Variants in ZNF135 observed in about 807,000 individuals in gnomAD.
ZNF135 encodes zinc finger protein 135.
In ZNF135, 11 loss-of-function variants were observed where a neutral mutation model predicts 12.3. The ratio of observed to expected loss-of-function variants is 0.89; its 90% confidence interval spans 0.56 to 1.48. The LOEUF (loss-of-function observed/expected upper bound fraction) is 1.48. ZNF135 is among the 40% of genes most tolerant of loss of function. ZNF135 has a pLI of 0.00. For missense variants in ZNF135, 722 were observed against 815.7 expected, an observed-to-expected ratio of 0.89 and a Z score of 1.40; for synonymous variants, 316 against 312.0, an observed-to-expected ratio of 1.01 and a Z score of -0.14.
Position 58,068,096 on chromosome 19 carries a change from A to C in ZNF135, c.1612A>C (p.Ile538Leu). The C allele has an allele frequency of 6.2e-7, 1 of 1,614,126 alleles. No individual in the cohort carries two copies. Among genetic ancestry groups the C allele is most frequent in the East Asian group, 2.2e-5 (1 of 44,886 alleles). Residue 538 changes from isoleucine to leucine, a missense_variant, in exon 5 of 5, where the codon ATT becomes CTT. Coordinates refer to ENST00000313434, the MANE Select transcript of ZNF135 (RefSeq NM_001289401.2). Reference protein sequence around the residue: ...GRAFSQLAPLIQHQRIHTGEK... With the variant: ...GRAFSQLAPLLQHQRIHTGEK... ...AGCCTTCAGCCAGCTTGCTCCCCTC[A>C]TTCAGCATCAGAGGATCCACACAGG...
At chr19:58,061,053 A>G (rs1041012725) in intron 2 of ZNF135, among the ~76,000 whole-genome samples, 12 of 151,610 alleles carry the variant, frequency 7.9e-5, no homozygotes, top group African/African-American at 1.9e-4. Flanking sequence ...GCGTGAACCC[A>G]GGAGGCGGAG....
At chr19:58,062,376 ATTTG>A (rs1313544778) in intron 3 of ZNF135, among the ~76,000 whole-genome samples, 1 of 142,828 alleles carries the variant, frequency 7.0e-6, no homozygotes, top group African/African-American at 2.6e-5. Context: ...TTATTTATTT[ATTTG>A]TTTTTAAATT....
rs2073925464 is a variant in ZNF135, at chr19:58,059,370, G to C, written c.-35+60G>C. 1.0e-5 allele frequency: 8 copies of C among 784,418 alleles called. No individual in the cohort carries two copies. In the African/African-American group the frequency reaches 1.7e-4, roughly 17 times the overall value. 48.6% of individuals were successfully genotyped at this position (784,418 alleles called of 1,614,324 possible). ...CAGGCCGGGCCGGGCCGGGCCGGGT[G>C]CGGGGGGTCCGGGGATCTTCCTGAG... On this transcript the variant is annotated intron_variant, in intron 1 of 4. Coordinates refer to ENST00000313434, the MANE Select transcript of ZNF135 (RefSeq NM_001289401.2). This position sits in a 1 kb window ranked among gnomAD's most constrained non-coding sequence, Gnocchi z 6.5.
rs71188069 is a variant in ZNF135, at chr19:58,059,346, AGGCCGGGCCG to A, written c.-35+49_-35+58del. ...CCGGCGAGGAGGGGGAGGGGAGGCC[AGGCCGGGCCG>A]GGCCGGGCCGGGTGCGGGGGGTCCG... On this transcript the variant is annotated intron_variant, in intron 1 of 4. Coordinates refer to ENST00000313434, the MANE Select transcript of ZNF135 (RefSeq NM_001289401.2). The surrounding 1 kb of genome is among the most constrained non-coding windows in gnomAD (Gnocchi z 6.5). 46 of 745,362 alleles carry A rather than the reference AGGCCGGGCCG, an allele frequency of 6.2e-5. 1 individual carries two copies. In the African/African-American group the frequency reaches 9.5e-4, roughly 15 times the overall value. 46.2% of individuals were successfully genotyped at this position (745,362 alleles called of 1,614,324 possible).
chr19:58,063,743 G>T lies in ZNF135; in HGVS notation c.256+202G>T. On this transcript the variant is annotated intron_variant, in intron 4 of 4. Coordinates refer to ENST00000313434, the MANE Select transcript of ZNF135 (RefSeq NM_001289401.2). The surrounding 1 kb of genome is among the most constrained non-coding windows in gnomAD (Gnocchi z 4.4). ...TTATATTCTTGGTGAGGGAGTGGGG[G>T]AAACAAACAATAAATCGGTAAAATA... 1 of 1,323,550 alleles carries T rather than the reference G, an allele frequency of 7.6e-7. No homozygotes were observed. Among genetic ancestry groups the T allele is most frequent in the Non-Finnish European group, 9.8e-7 (1 of 1,018,952 alleles). The allele number at this position is 1,323,550 out of a possible 1,614,324, so 82.0% of individuals were successfully genotyped here. A position where few individuals can be genotyped will look rare whatever the true frequency, so the allele number is the denominator to read the frequency against.
chr19:58,059,366 G>T lies in ZNF135; in HGVS notation c.-35+56G>T. The T allele has an allele frequency of 1.1e-6, 1 of 876,676 alleles. No homozygotes were observed. The highest frequency in any genetic ancestry group is 1.6e-6 in the Non-Finnish European group (1 of 608,510). 54.3% of individuals were successfully genotyped at this position (876,676 alleles called of 1,614,324 possible). On this transcript the variant is annotated intron_variant, in intron 1 of 4. Coordinates refer to ENST00000313434, the MANE Select transcript of ZNF135 (RefSeq NM_001289401.2). The surrounding 1 kb of genome is among the most constrained non-coding windows in gnomAD (Gnocchi z 6.5). ...AGGCCAGGCCGGGCCGGGCCGGGCC[G>T]GGTGCGGGGGGTCCGGGGATCTTCC... is the stretch of plus-strand genomic sequence containing the variant.
rs1384968327 is a variant in ZNF135 at position 58,065,831 on chromosome 19, T to A, written c.257-910T>A. Among the ~76,000 whole-genome samples, 2 of 152,042 alleles carry A rather than the reference T, an allele frequency of 1.3e-5. No homozygotes were observed. The highest frequency in any genetic ancestry group is 1.9e-4 in the East Asian group (1 of 5,190). On this transcript the variant is annotated intron_variant, in intron 4 of 4. Coordinates refer to ENST00000313434, the MANE Select transcript of ZNF135 (RefSeq NM_001289401.2). The surrounding 1 kb of genome is among the most constrained non-coding windows in gnomAD (Gnocchi z 4.0). The stretch of plus-strand genomic sequence containing the variant: ...CACTCTGGCTTAACTTTTTTTTTTT[T>A]AATTGAACTTTTCACTGAAACATAA...
Position 58,060,463 on chromosome 19 carries a change from A to C in ZNF135, c.33+428A>C, listed in dbSNP as rs2073956895. On this transcript the variant is annotated intron_variant, in intron 2 of 4. Coordinates refer to ENST00000313434, the MANE Select transcript of ZNF135 (RefSeq NM_001289401.2). The surrounding 1 kb of genome is among the most constrained non-coding windows in gnomAD (Gnocchi z 4.9). ...TTGTGCGGCCGTCATTGCATACCTG[A>C]GGCTGGGTGATGTCAGAAAATTGTA... 4.7e-6 allele frequency: 5 copies of C among 1,065,188 alleles called. No individual in the cohort carries two copies. The South Asian group carries it at 1.4e-4, about 31-fold the overall frequency. 66.0% of individuals were successfully genotyped at this position (1,065,188 alleles called of 1,614,324 possible).
chr19:58,066,081 C>A (rs533417962), intron 4 of ZNF135, among the ~76,000 whole-genome samples: 29 of 152,266 alleles, frequency 1.9e-4, no homozygotes, highest in Admixed American at 6.5e-4. Context: ...TGGACGGAAA[C>A]CCCTACCCTC....
chr19:58,061,705 G>A lies in ZNF135; in HGVS notation c.159G>A (p.Val53=). The A allele has an allele frequency of 6.2e-7, 1 of 1,611,824 alleles. No homozygotes were observed. Among genetic ancestry groups the A allele is most frequent in the Non-Finnish European group, 8.5e-7 (1 of 1,179,098 alleles). Residue 53 remains valine, a splice_region_variant and synonymous_variant, in exon 3 of 5, where the codon GTG becomes GTA. Transcript: ENST00000313434. ...MLDTFRLLVS[V]GHWLPKPNVI... ...ACACCTTCAGGCTTCTGGTCTCTGT[G>A]GGTAAGGCCACACCCATGTCCTATC...
chr19:58,062,642 T>TA (rs1431119013), intron 3 of ZNF135, among the ~76,000 whole-genome samples: 1 of 151,738 alleles, frequency 6.6e-6, no homozygotes, highest in Non-Finnish European at 1.5e-5. Flanking sequence ...GCACCCACCT[T>TA]AGCCTCCCAA....
Position 58,061,706 on chromosome 19 carries a change from G to C in ZNF135, c.160G>C (p.Gly54Arg). The C allele has an allele frequency of 6.2e-7, 1 of 1,611,764 alleles. No individual in the cohort carries two copies. Among genetic ancestry groups the C allele is most frequent in the Non-Finnish European group, 8.5e-7 (1 of 1,179,096 alleles). The change falls in exon 3 of 5, where the codon GGA (glycine) becomes CGA (arginine). Residue 54 changes from glycine to arginine, a missense_variant and splice_region_variant. Transcript: ENST00000313434. Reference protein sequence around the residue: ...LDTFRLLVSVGHWLPKPNVIS... With the variant: ...LDTFRLLVSVRHWLPKPNVIS... ...CACCTTCAGGCTTCTGGTCTCTGTG[G>C]GTAAGGCCACACCCATGTCCTATCT...
chr19:58,060,427 G>A lies in ZNF135; in HGVS notation c.33+392G>A, dbSNP rs2073956108. 1 of 1,147,138 alleles carries A rather than the reference G, an allele frequency of 8.7e-7. No homozygotes were observed. Among genetic ancestry groups the A allele is most frequent in the Non-Finnish European group, 1.1e-6 (1 of 926,430 alleles). 71.1% of individuals were successfully genotyped at this position (1,147,138 alleles called of 1,614,324 possible). On this transcript the variant is annotated intron_variant, in intron 2 of 4. Transcript: ENST00000313434. This position sits in a 1 kb window ranked among gnomAD's most constrained non-coding sequence, Gnocchi z 4.9. ...AGCGGGCACGGGTCCCTGTCTGAGT[G>A]GGCTTTATGTTTGTGCGGCCGTCAT... is the stretch of plus-strand genomic sequence containing the variant.
At position 58,059,367 on chromosome 19, in the gene ZNF135, G is replaced by A; in HGVS notation, c.-35+57G>A. ...GGCCAGGCCGGGCCGGGCCGGGCCG[G>A]GTGCGGGGGGTCCGGGGATCTTCCT... On this transcript the variant is annotated intron_variant, in intron 1 of 4. Coordinates refer to ENST00000313434, the MANE Select transcript of ZNF135 (RefSeq NM_001289401.2). The surrounding 1 kb of genome is among the most constrained non-coding windows in gnomAD (Gnocchi z 6.5). 1.1e-6 allele frequency: 1 copy of A among 884,158 alleles called. No individual in the cohort carries two copies. 54.8% of individuals were successfully genotyped at this position (884,158 alleles called of 1,614,324 possible). A position where few individuals can be genotyped will look rare whatever the true frequency, so the allele number is the denominator to read the frequency against.
At chr19:58,059,242 A>G (rs1308286266), upstream of ZNF135, 1 of 1,584,626 alleles carries the variant, frequency 6.3e-7, no homozygotes, top group African/African-American at 1.4e-5. This position sits in a 1 kb window ranked among gnomAD's most constrained non-coding sequence, Gnocchi z 6.5. Context: ...TCTCTGGGAA[A>G]TGGAGTTAGG....
At position 58,067,469 on chromosome 19, in the gene ZNF135, A is replaced by C. The variant is rs749914708; in HGVS notation, c.985A>C (p.Ser329Arg). 3 of 1,613,796 alleles carry C rather than the reference A, an allele frequency of 1.9e-6. No homozygotes were observed. Among genetic ancestry groups the C allele is most frequent in the South Asian group, 2.2e-5 (2 of 91,072 alleles). The change falls in exon 5 of 5, where the codon AGT becomes CGT. Residue 329 changes from serine to arginine, a missense_variant. Physicochemically the swap from Ser to Arg is moderately radical, Grantham distance 110 (BLOSUM62 -1). Transcript: ENST00000313434. ...THTGEKPYEC[S>R]ECGKAFRQSI... Reference sequence around the variant, plus strand: ...CACAGGCGAGAAGCCCTACGAGTGCAGTGAGTGTGGGAAAGCCTTCCGGCA... The same window carrying C: ...CACAGGCGAGAAGCCCTACGAGTGCCGTGAGTGTGGGAAAGCCTTCCGGCA...
At position 58,063,743 on chromosome 19, in the gene ZNF135, GAAAC is replaced by G. The variant is rs2074021892; in HGVS notation, c.256+209_256+212del. On this transcript the variant is annotated intron_variant, in intron 4 of 4. Coordinates refer to ENST00000313434, the MANE Select transcript of ZNF135 (RefSeq NM_001289401.2). This position sits in a 1 kb window ranked among gnomAD's most constrained non-coding sequence, Gnocchi z 4.4. ...TTATATTCTTGGTGAGGGAGTGGGG[GAAAC>G]AAACAATAAATCGGTAAAATAATAA... The G allele has an allele frequency of 7.6e-7, 1 of 1,323,550 alleles. No homozygotes were observed. The highest frequency in any genetic ancestry group is 9.8e-7 in the Non-Finnish European group (1 of 1,018,952). The allele number at this position is 1,323,550 out of a possible 1,614,324, so 82.0% of individuals were successfully genotyped here.
In ZNF135 at chr19:58,063,464, C is replaced by A; in HGVS notation, c.179C>A (p.Pro60Gln). The A allele has an allele frequency of 6.2e-7, 1 of 1,614,040 alleles. No individual in the cohort carries two copies. The highest frequency in any genetic ancestry group is 1.3e-5 in the African/African-American group (1 of 75,004). ...TGAGCAGGACATTGGTTACCGAAGC[C>A]GAATGTCATCTCCCTGCTGGAGCAA... ...LVSVGHWLPK[P>Q]NVISLLEQEA... Residue 60 changes from proline to glutamine, a missense_variant, in exon 4 of 5, where the codon CCG becomes CAG. Pro to Gln is a moderately conservative substitution (Grantham distance 76). Coordinates refer to ENST00000313434, the MANE Select transcript of ZNF135 (RefSeq NM_001289401.2). The surrounding 1 kb of genome is among the most constrained non-coding windows in gnomAD (Gnocchi z 4.4).
In ZNF135 at chr19:58,068,718, A is replaced by G. The variant is rs1408564526; in HGVS notation, c.*257A>G. Reference sequence around the variant, plus strand: ...TCAACACTCAGGACCTTCAGCCTTGAACGCCCATTAGTGCTATGTTATAGA... The same window carrying G: ...TCAACACTCAGGACCTTCAGCCTTGGACGCCCATTAGTGCTATGTTATAGA... On this transcript the variant is annotated 3_prime_UTR_variant, in exon 5 of 5. Transcript: ENST00000313434. The G allele has an allele frequency of 2.1e-6, 1 of 472,258 alleles. No homozygotes were observed. The highest frequency in any genetic ancestry group is 1.9e-5 in the African/African-American group (1 of 51,912). 29.3% of individuals were successfully genotyped at this position (472,258 alleles called of 1,614,324 possible). A position where few individuals can be genotyped will look rare whatever the true frequency, so the allele number is the denominator to read the frequency against.
Sources: allele counts gnomAD v4.1 joint callset (sites outside exome capture counted in the v4.1 genomes callset), GRCh38; gene constraint gnomAD v4.1.1; non-coding constraint Gnocchi (gnomAD v3.1); transcripts MANE v1.5; gene names NCBI Gene and HGNC (gene_info 2026-07-23, HGNC 2026-07-21).